The following GABBR2 variants were observed in gnomAD, a reference collection of about 807,000 sequenced individuals.
GABBR2 encodes gamma-aminobutyric acid type B receptor subunit 2, also known as G-protein coupled receptor 51.
A neutral mutation model predicts 105.6 loss-of-function variants in GABBR2; 23 were observed. The observed-to-expected ratio is 0.22, with a 90% CI of 0.16 to 0.31. The LOEUF (loss-of-function observed/expected upper bound fraction) is 0.31, where lower values mean the gene tolerates loss of function less well. GABBR2 is among the 10% of genes least tolerant of loss of function. The pLI, the probability that GABBR2 is intolerant of heterozygous loss-of-function variation, is 1.00. For synonymous variants in GABBR2, 478 were observed against 499.7 expected (o/e 0.96, Z 0.58); for missense variants, 734 against 1,245.5 (o/e 0.59, Z 6.18).
chr9:98,635,588 GC>G (rs1829864715), intron 1 of GABBR2, among the ~76,000 whole-genome samples: 1 of 152,180 alleles, frequency 6.6e-6, no homozygotes, highest in African/African-American at 2.4e-5. Flanking sequence ...AGGTGTGACC[GC>G]CTCTTGAGGT....
chr9:98,403,227 G>C (rs1219005242), intron 8 of GABBR2, among the ~76,000 whole-genome samples: 1 of 146,694 alleles, frequency 6.8e-6, no homozygotes, highest in African/African-American at 2.5e-5. Flanking sequence ...CCAGGAGGCA[G>C]AGGTTGCAGT....
chr9:98,322,486 T>G (rs1329834994), intron 13 of GABBR2, among the ~76,000 whole-genome samples: 1 of 151,986 alleles, frequency 6.6e-6, no homozygotes, highest in Non-Finnish European at 1.5e-5. Flanking sequence ...CTATGTTGCC[T>G]CCAAGTGATC....
In GABBR2 at chr9:98,454,117, T is replaced by C. The variant is rs1826283143; in HGVS notation, c.1100A>G (p.Lys367Arg). Residue 367 changes from lysine to arginine, a missense_variant, in exon 7 of 19, where the codon AAG (lysine) becomes AGG (arginine). By Grantham distance (26) the Lys-to-Arg change is conservative. This residue lies in a region of GABBR2 where 370 missense variants were observed against 648.9 expected (regional missense o/e 0.57). Coordinates refer to ENST00000259455, the MANE Select transcript of GABBR2 (RefSeq NM_005458.8). The surrounding 1 kb of genome is among the most constrained non-coding windows in gnomAD (Gnocchi z 4.6). ...YAYDGIWVIA[K>R]TLQRAMETLH... ...TGTCTCCATGGCCCTCTGCAGTGTC[T>C]TGGCGATGACCCAGATGCCATCGTA... The C allele has an allele frequency of 1.2e-6, 2 of 1,614,034 alleles. No individual in the cohort carries two copies. Among genetic ancestry groups the C allele is most frequent in the African/African-American group, 1.3e-5 (1 of 74,934 alleles).
chr9:98,575,300 T>C (rs558308579), intron 2 of GABBR2, among the ~76,000 whole-genome samples: 4 of 152,128 alleles, frequency 2.6e-5, no homozygotes, highest in African/African-American at 9.6e-5. Context: ...CTTGATACAC[T>C]GGGTATAGGA....
intron 1 of GABBR2, among the ~76,000 whole-genome samples, chr9:98,691,707 C>A (rs990295345): frequency 6.6e-6 from 1 of 152,198 alleles, no homozygotes; most frequent in Admixed American, 6.5e-5. Context: ...AATGGCTCAG[C>A]ATTATCCCCT....
At chr9:98,295,929 A>G (rs1319990189) in intron 17 of GABBR2, among the ~76,000 whole-genome samples, 1 of 152,236 alleles carries the variant, frequency 6.6e-6, no homozygotes, top group East Asian at 1.9e-4. Flanking sequence ...ATTCCCAGGA[A>G]CTAATCCTGT....
intron 1 of GABBR2, among the ~76,000 whole-genome samples, chr9:98,615,551 G>A (rs1829570830): frequency 6.6e-6 from 1 of 152,106 alleles, no homozygotes; most frequent in Non-Finnish European, 1.5e-5. Context: ...TTTTGAAATT[G>A]CTAAGGTAAC....
chr9:98,398,436 A>C (rs982308511), intron 8 of GABBR2, among the ~76,000 whole-genome samples: 1 of 152,022 alleles, frequency 6.6e-6, no homozygotes, highest in African/African-American at 2.4e-5. Context: ...CCCATCCCCA[A>C]CCTGGGTCTT....
chr9:98,470,795 G>T (rs993789913), intron 6 of GABBR2, among the ~76,000 whole-genome samples: 12 of 147,320 alleles, frequency 8.1e-5, no homozygotes, highest in East Asian at 5.9e-4. Flanking sequence ...TCATCATGGG[G>T]TTTTTTTTTT....
rs1768475506 is a variant in GABBR2, at chr9:98,288,994, T to A, written c.*1590A>T. 1.3e-5 allele frequency: 2 copies of A among 152,646 alleles called. No homozygotes were observed. Among genetic ancestry groups the A allele is most frequent in the African/African-American group, 4.8e-5 (2 of 41,440 alleles). 9.5% of individuals were successfully genotyped at this position (152,646 alleles called of 1,614,324 possible). A position where few individuals can be genotyped will look rare whatever the true frequency, so the allele number is the denominator to read the frequency against. On this transcript the variant is annotated 3_prime_UTR_variant, in exon 19 of 19. Coordinates refer to ENST00000259455, the MANE Select transcript of GABBR2 (RefSeq NM_005458.8). ...AGCGAGCTGCTCAGTTGTGCAGACA[T>A]CCTGGACATTGTCATTCAGGCCTTT... is the stretch of plus-strand genomic sequence containing the variant.
At chr9:98,311,546 T>C (rs953411002) in intron 13 of GABBR2, among the ~76,000 whole-genome samples, 4 of 152,196 alleles carry the variant, frequency 2.6e-5, no homozygotes, top group South Asian at 2.1e-4. Context: ...ACCGCTAATA[T>C]TTGTTGTGAG....
intron 1 of GABBR2, among the ~76,000 whole-genome samples, chr9:98,696,050 G>T (rs950271664): frequency 6.6e-6 from 1 of 152,220 alleles, no homozygotes; most frequent in Non-Finnish European, 1.5e-5. Context: ...AAGCAGGAGG[G>T]AGACCAATAG....
At chr9:98,701,299 T>TA (rs1383966524) in intron 1 of GABBR2, among the ~76,000 whole-genome samples, 2 of 152,164 alleles carry the variant, frequency 1.3e-5, no homozygotes, top group Non-Finnish European at 2.9e-5. Flanking sequence ...ACTCAGTCTT[T>TA]AAAAAGGAAT....
intron 2 of GABBR2, among the ~76,000 whole-genome samples, chr9:98,568,069 G>T (rs1157802551): frequency 6.6e-6 from 1 of 152,192 alleles, no homozygotes; most frequent in African/African-American, 2.4e-5. Context: ...AGATCGGAGG[G>T]TGCTGCCAGG....
At chr9:98,472,426 A>G (rs931103049) in intron 6 of GABBR2, among the ~76,000 whole-genome samples, 3 of 152,170 alleles carry the variant, frequency 2.0e-5, no homozygotes, top group Admixed American at 2.0e-4. Flanking sequence ...AGGCTGACAC[A>G]CCCTGTCCAA....
chr9:98,603,378 G>A (rs1005997866), intron 1 of GABBR2, among the ~76,000 whole-genome samples: 3 of 152,232 alleles, frequency 2.0e-5, no homozygotes, highest in African/African-American at 4.8e-5. Context: ...TCATGCTAGA[G>A]AGAGGAGGAA....
chr9:98,679,679 T>G (rs1163696458), intron 1 of GABBR2, among the ~76,000 whole-genome samples: 1 of 152,202 alleles, frequency 6.6e-6, no homozygotes, highest in Non-Finnish European at 1.5e-5. Flanking sequence ...GAGCAGGTCA[T>G]AAAACCTAGG....
intron 13 of GABBR2, among the ~76,000 whole-genome samples, chr9:98,350,304 A>T: frequency 6.7e-6 from 1 of 148,462 alleles, no homozygotes; most frequent in South Asian, 2.1e-4. Context: ...TTTGTTCTTG[A>T]TTTTCTGGTC....
chr9:98,653,247 C>G (rs1017712165), intron 1 of GABBR2, among the ~76,000 whole-genome samples: 1 of 152,242 alleles, frequency 6.6e-6, no homozygotes, highest in African/African-American at 2.4e-5. Context: ...GATCCTCACA[C>G]CTCGGCCTCC....
Sources: allele counts gnomAD v4.1 joint callset (sites outside exome capture counted in the v4.1 genomes callset), GRCh38; gene constraint gnomAD v4.1.1; regional missense constraint gnomAD v4.1.1; non-coding constraint Gnocchi (gnomAD v3.1); transcripts MANE v1.5; gene names NCBI Gene and HGNC (gene_info 2026-07-23, HGNC 2026-07-21).